Variants in SLC6A6 observed in about 807,000 individuals in gnomAD.
SLC6A6 encodes solute carrier family 6 member 6, also known as sodium- and chloride-dependent taurine transporter.
In SLC6A6, 16 loss-of-function variants were observed where a neutral mutation model predicts 68.8. That is an observed-to-expected ratio of 0.23 (90% CI 0.16 to 0.35). SLC6A6 has a LOEUF of 0.35. Among genes scored for constraint, SLC6A6 ranks in the 10% least tolerant of loss-of-function variants. The probability of loss-of-function intolerance (pLI) is 1.00; values close to 1 mark genes in which losing one functional copy is unlikely to be tolerated. For synonymous variants in SLC6A6, 312 were observed against 315.4 expected, an observed-to-expected ratio of 0.99 and a Z score of 0.12; for missense variants, 474 against 802.8, an observed-to-expected ratio of 0.59 and a Z score of 4.95.
Position 14,488,750 on chromosome 3 carries a change from CCCTTT to C in SLC6A6, c.*3748_*3752del, listed in dbSNP as rs1374043216. 6.6e-6 allele frequency: 1 copy of C among 152,580 alleles called. No homozygotes were observed. The allele number at this position is 152,580 out of a possible 1,614,324, so 9.5% of individuals were successfully genotyped here. ...TCCAGAAAGCAGGGGGCAGCCCTCC[CCCTTT>C]CCTTCTCTCCCTGATCCTCAGAATA... On this transcript the variant is annotated 3_prime_UTR_variant, in exon 15 of 15. Transcript: ENST00000622186.
In SLC6A6 at chr3:14,477,225, G is replaced by A. The variant is rs1461976040; in HGVS notation, c.1230G>A (p.Gln410=). 6.2e-7 allele frequency: 1 copy of A among 1,613,704 alleles called. No homozygotes were observed. The highest frequency in any genetic ancestry group is 1.7e-5 in the Admixed American group (1 of 60,026). ...LDSQFVEVEG[Q]ITSLVDLYPS... ...CTCAGTTTGTTGAAGTTGAAGGACA[G>A]ATCACATCCTTGGTTGATCTTTACC... Residue 410 remains glutamine, a synonymous_variant, in exon 11 of 15, where the codon CAG becomes CAA. Coordinates refer to ENST00000622186, the MANE Select transcript of SLC6A6 (RefSeq NM_003043.6). This position sits in a 1 kb window ranked among gnomAD's most constrained non-coding sequence, Gnocchi z 4.2.
Position 14,468,080 on chromosome 3 carries a change from T to C in SLC6A6, c.972-8T>C. 1 of 1,614,200 alleles carries C rather than the reference T, an allele frequency of 6.2e-7. No homozygotes were observed. Among genetic ancestry groups the C allele is most frequent in the Admixed American group, 1.7e-5 (1 of 60,030 alleles). On this transcript the variant is annotated splice_polypyrimidine_tract_variant and splice_region_variant and intron_variant, in intron 8 of 14. Coordinates refer to ENST00000622186, the MANE Select transcript of SLC6A6 (RefSeq NM_003043.6). The surrounding 1 kb of genome is among the most constrained non-coding windows in gnomAD (Gnocchi z 4.5). The stretch of plus-strand genomic sequence containing the variant: ...ATTAACTTGCTCCCTGACATATGTG[T>C]AACTTAGGGACTGTATGCTGCTGGG...
At chr3:14,471,672 C>T (rs9868733) in intron 9 of SLC6A6, among the ~76,000 whole-genome samples, 10,195 of 152,274 alleles carry the variant, frequency 0.067, 431 homozygotes, top group South Asian at 0.16. Context: ...GGGAGAGCCC[C>T]ACAAATGCAC....
rs1358092381 is a variant in SLC6A6, at chr3:14,477,443, T to G, written c.1347+101T>G. 3 of 1,205,786 alleles carry G rather than the reference T, an allele frequency of 2.5e-6. No individual in the cohort carries two copies. The highest frequency in any genetic ancestry group is 3.6e-6 in the Non-Finnish European group (3 of 833,914). The allele number at this position is 1,205,786 out of a possible 1,614,324, so 74.7% of individuals were successfully genotyped here. ...TGGGTGAGAGGGCCAGGTAGGGGCTTCATCTCCCAGCCCCACCCAATTCAG... is the reference window on the plus strand; with the variant it reads ...TGGGTGAGAGGGCCAGGTAGGGGCTGCATCTCCCAGCCCCACCCAATTCAG... On this transcript the variant is annotated intron_variant, in intron 11 of 14. Transcript: ENST00000622186. This position sits in a 1 kb window ranked among gnomAD's most constrained non-coding sequence, Gnocchi z 4.2.
intron 2 of SLC6A6, among the ~76,000 whole-genome samples, chr3:14,442,353 T>G (rs796702948): frequency 7.9e-5 from 12 of 152,310 alleles, no homozygotes; most frequent in African/African-American, 2.6e-4. Flanking sequence ...ATTCTGCAGA[T>G]GGGGAAACTG....
At chr3:14,444,898 C>T (rs1025909965) in intron 3 of SLC6A6, 2 of 454,198 alleles carry the variant, frequency 4.4e-6, no homozygotes, top group African/African-American at 4.0e-5. Context: ...CTTTGCCCCC[C>T]CATTCTTCCC....
chr3:14,443,881 C>T lies in SLC6A6; in HGVS notation c.229+18C>T, dbSNP rs866134913. ...TGGTGGAGGTGAGCTTGGGCCGGGC[C>T]ACAGGGGAGCCCATCCAGTACAAAG... On this transcript the variant is annotated intron_variant, in intron 3 of 14. Transcript: ENST00000622186. The T allele has an allele frequency of 6.4e-7, 1 of 1,556,664 alleles. No homozygotes were observed.
intron 1 of SLC6A6, among the ~76,000 whole-genome samples, chr3:14,412,145 G>A (rs1157313906): frequency 1.3e-5 from 2 of 152,116 alleles, no homozygotes; most frequent in African/African-American, 2.4e-5. Context: ...CCACCACACG[G>A]GGTGCTGTTC....
intron 1 of SLC6A6, among the ~76,000 whole-genome samples, chr3:14,415,266 C>T (rs948115900): frequency 3.9e-5 from 6 of 152,226 alleles, no homozygotes; most frequent in African/African-American, 1.2e-4. Flanking sequence ...CCAGTGGGTG[C>T]CAGTGTGAGC....
Position 14,445,712 on chromosome 3 carries a change from T to C in SLC6A6, c.230-5T>C, listed in dbSNP as rs1167531617. On this transcript the variant is annotated splice_polypyrimidine_tract_variant and splice_region_variant and intron_variant, in intron 3 of 14. Transcript: ENST00000622186. ...CCTCACTTTTGCCCATTCTGCTCTC[T>C]GCAGGTGCGTTTCTCATACCGTATT... 2 of 1,614,022 alleles carry C rather than the reference T, an allele frequency of 1.2e-6. No homozygotes were observed. The highest frequency in any genetic ancestry group is 1.7e-6 in the Non-Finnish European group (2 of 1,179,958).
chr3:14,462,085 C>A (rs948467655), intron 6 of SLC6A6, among the ~76,000 whole-genome samples: 7 of 152,204 alleles, frequency 4.6e-5, no homozygotes, highest in Admixed American at 2.0e-4. Context: ...AATACCACGT[C>A]CCACAGCAAG....
rs1401970106 is a variant in SLC6A6, at chr3:14,428,070, C to A, written c.-12+11617C>A. Among the ~76,000 whole-genome samples, 7 of 152,140 alleles carry A rather than the reference C, an allele frequency of 4.6e-5. 1 individual carries two copies. Among genetic ancestry groups the A allele is most frequent in the African/African-American group, 1.7e-4 (7 of 41,418 alleles). On this transcript the variant is annotated intron_variant, in intron 2 of 14. Transcript: ENST00000622186. Reference sequence around the variant, plus strand: ...CAGGTTTTCACATCTGTGCTCAGATCCCCAGGGACCCACCAACACAGGGGA... The same window carrying A: ...CAGGTTTTCACATCTGTGCTCAGATACCCAGGGACCCACCAACACAGGGGA...
chr3:14,483,565 G>A (rs531331475), intron 14 of SLC6A6, among the ~76,000 whole-genome samples: 113 of 152,350 alleles, frequency 7.4e-4, no homozygotes, highest in African/African-American at 2.6e-3. Flanking sequence ...GAGCTGGCAG[G>A]TGGCTCAGGT....
chr3:14,442,958 A>G (rs1463059131), intron 2 of SLC6A6, among the ~76,000 whole-genome samples: 2 of 152,200 alleles, frequency 1.3e-5, no homozygotes, highest in African/African-American at 4.8e-5. Context: ...TCTGCTAGAG[A>G]TGTGACTGGT....
intron 1 of SLC6A6, chr3:14,410,902 C>T (rs1699239480): frequency 2.0e-5 from 3 of 152,270 alleles, no homozygotes; most frequent in East Asian, 1.9e-4. Context: ...TGAAGGGTGC[C>T]GGAAGGGGGA....
intron 5 of SLC6A6, 57 bp from the exon 6 acceptor site, chr3:14,457,891 GCT>G (rs955273737): frequency 8.8e-5 from 140 of 1,583,604 alleles, no homozygotes; most frequent in Middle Eastern, 8.2e-4. Context: ...CCGAGCCTTG[GCT>G]CTCTCTACTC....
intron 14 of SLC6A6, among the ~76,000 whole-genome samples, chr3:14,483,055 G>A (rs1448861101): frequency 3.9e-5 from 6 of 152,220 alleles, no homozygotes; most frequent in Non-Finnish European, 8.8e-5. Flanking sequence ...TCTGATTGGT[G>A]AGTGCCCAAA....
chr3:14,416,188 A>G (rs1699359687), intron 1 of SLC6A6, among the ~76,000 whole-genome samples: 2 of 152,124 alleles, frequency 1.3e-5, no homozygotes, highest in African/African-American at 2.4e-5. Context: ...GGGAGTCTGC[A>G]TATGATTACA....
At chr3:14,463,334 CGA>C (rs1700537770) in intron 6 of SLC6A6, among the ~76,000 whole-genome samples, 2 of 152,230 alleles carry the variant, frequency 1.3e-5, no homozygotes, top group South Asian at 4.1e-4. Flanking sequence ...TTAAAACTCA[CGA>C]AGCCCTTAGC....
Sources: gnomAD v4.1 joint callset for allele counts (sites outside exome capture counted in the v4.1 genomes callset) on GRCh38, gnomAD v4.1.1 for gene constraint, Gnocchi (gnomAD v3.1) non-coding constraint, MANE v1.5 for transcripts, NCBI Gene and HGNC (gene_info 2026-07-23, HGNC 2026-07-21) for gene names.